CSMD1: variants seen among roughly 807,000 people sequenced by gnomAD.
The protein encoded by CSMD1 is CUB and Sushi multiple domains 1.
In CSMD1, 213 loss-of-function variants were observed where a neutral mutation model predicts 417.5. The ratio of observed to expected loss-of-function variants is 0.51; its 90% CI spans 0.46 to 0.57. CSMD1 has a LOEUF of 0.57. Among genes scored for constraint, CSMD1 ranks in the 20% least tolerant of loss-of-function variants. The pLI, the probability that CSMD1 is intolerant of heterozygous loss-of-function variation, is 0.00. For missense variants in CSMD1, 6,923 were observed against 4,529.7 expected (o/e 1.53, Z -15.17); for synonymous variants, 2,862 against 1,736.8 (o/e 1.65, Z -16.11).
intron 6 of CSMD1, among the ~76,000 whole-genome samples, chr8:3,749,614 T>G (rs899800539): frequency 6.6e-6 from 1 of 152,214 alleles, no homozygotes; most frequent in Non-Finnish European, 1.5e-5. Flanking sequence ...ATATTATTTG[T>G]CTTTGAGAAG....
intron 1 of CSMD1, among the ~76,000 whole-genome samples, chr8:4,934,245 GA>G (rs548987499): frequency 2.7e-3 from 410 of 152,140 alleles, no homozygotes; most frequent in African/African-American, 9.1e-3. Flanking sequence ...CCCCAAGGCA[GA>G]AAAAAATAAA....
chr8:4,578,787 C>G (rs1245161579), intron 2 of CSMD1, among the ~76,000 whole-genome samples: 1 of 139,234 alleles, frequency 7.2e-6, no homozygotes, highest in Non-Finnish European at 1.5e-5. Flanking sequence ...GCACTCTAGC[C>G]TGGGTGACAG....
intron 2 of CSMD1, among the ~76,000 whole-genome samples, chr8:4,430,697 G>A (rs1404543280): frequency 6.6e-6 from 1 of 151,908 alleles, no homozygotes; most frequent in Non-Finnish European, 1.5e-5. Context: ...TAGACTATCG[G>A]AAACAAAAAA....
rs541286373 is a variant in CSMD1 at position 3,507,664 on chromosome 8, C to G, written c.1345-13938G>C. ...TATCTCTCCACATCCTTTTCAGCAC[C>G]TGTTGTTTCCTGACTTTTTAATGAT... On this transcript the variant is annotated intron_variant, in intron 10 of 69. Transcript: ENST00000635120. Among the ~76,000 whole-genome samples, 82 of 152,284 alleles carry G rather than the reference C, an allele frequency of 5.4e-4. 1 individual carries two copies. Among genetic ancestry groups the G allele is most frequent in the African/African-American group, 5.3e-4 (22 of 41,552 alleles).
chr8:4,590,590 C>T (rs1382907661), intron 2 of CSMD1, among the ~76,000 whole-genome samples: 1 of 151,990 alleles, frequency 6.6e-6, no homozygotes, highest in African/African-American at 2.4e-5. Context: ...TAGAAATATA[C>T]TATTTAAAAT....
intron 5 of CSMD1, among the ~76,000 whole-genome samples, chr8:3,837,281 G>C (rs1371495941): frequency 6.6e-6 from 1 of 152,086 alleles, no homozygotes; most frequent in African/African-American, 2.4e-5. Flanking sequence ...TTAGATAGAT[G>C]AATCTCTTCA....
chr8:4,053,688 C>G (rs1025758936), intron 3 of CSMD1, among the ~76,000 whole-genome samples: 4 of 152,064 alleles, frequency 2.6e-5, no homozygotes, highest in African/African-American at 9.7e-5. Context: ...AGGTTAAAAT[C>G]AAACAGCTCA....
At chr8:3,982,879 G>C (rs1046269632) in intron 5 of CSMD1, among the ~76,000 whole-genome samples, 3 of 152,212 alleles carry the variant, frequency 2.0e-5, no homozygotes, top group Non-Finnish European at 4.4e-5. Flanking sequence ...TAAACCATTA[G>C]CGTTTCCTAC....
At position 4,088,652 on chromosome 8, in the gene CSMD1, T is replaced by TG. The variant is rs1800549532; in HGVS notation, c.416-56554dup. Among the ~76,000 whole-genome samples, 2 of 152,150 alleles carry TG rather than the reference T, an allele frequency of 1.3e-5. 1 individual carries two copies. Among genetic ancestry groups the TG allele is most frequent in the South Asian group, 4.1e-4 (2 of 4,828 alleles). The stretch of plus-strand genomic sequence containing the variant: ...GGTTGAGAGTAAAGCCCAAAGTCAT[T>TG]GTCTTCATGTTTTCACCTTCAGCTC... On this transcript the variant is annotated intron_variant, in intron 3 of 69. Transcript: ENST00000635120.
At chr8:4,959,812 T>C (rs1264841884) in intron 1 of CSMD1, among the ~76,000 whole-genome samples, 1 of 152,194 alleles carries the variant, frequency 6.6e-6, no homozygotes, top group Non-Finnish European at 1.5e-5. Context: ...TTCCCAGATA[T>C]CCACATAGCT....
intron 41 of CSMD1, among the ~76,000 whole-genome samples, chr8:3,122,972 C>T (rs982090822): frequency 4.6e-5 from 7 of 152,172 alleles, no homozygotes; most frequent in African/African-American, 1.7e-4. Flanking sequence ...GGAAAAACTT[C>T]TCCAGGTGTT....
chr8:4,623,101 C>A (rs900541209), intron 2 of CSMD1, among the ~76,000 whole-genome samples: 9 of 151,992 alleles, frequency 5.9e-5, no homozygotes, highest in Admixed American at 5.2e-4. Context: ...ATATTTCAGT[C>A]AAAGAACTCG....
In CSMD1 at chr8:3,493,676, G is replaced by A. The variant is rs1382520563; in HGVS notation, c.1395C>T (p.Thr465=). Residue 465 remains threonine (T), a synonymous_variant, in exon 11 of 70, where the codon ACC becomes ACT. Coordinates refer to ENST00000635120, the MANE Select transcript of CSMD1 (RefSeq NM_033225.6). ...CCTTCCCAGCATCACCAACCGTCAG[G>A]GTGTCATAGCCTCGCTCCAGCTCAA... ...EEFELERGYD[T]LTVGDAGKVG... is the part of the protein sequence containing the mutation. 4 of 1,612,224 alleles carry A rather than the reference G, an allele frequency of 2.5e-6. No homozygotes were observed. The highest frequency in any genetic ancestry group is 2.2e-5 in the South Asian group (2 of 90,392).
At chr8:4,415,616 C>CA (rs1165464058) in intron 3 of CSMD1, among the ~76,000 whole-genome samples, 2 of 152,156 alleles carry the variant, frequency 1.3e-5, no homozygotes, top group African/African-American at 4.8e-5. Flanking sequence ...TAGTCACTGA[C>CA]AATAAGCAGT....
At chr8:4,005,214 C>T (rs980284248) in intron 4 of CSMD1, among the ~76,000 whole-genome samples, 16 of 152,038 alleles carry the variant, frequency 1.1e-4, no homozygotes, top group Admixed American at 8.5e-4. Context: ...GTGGGTGCAC[C>T]ATCTCAGAAA....
intron 41 of CSMD1, among the ~76,000 whole-genome samples, chr8:3,135,213 G>A (rs1042481590): frequency 3.3e-5 from 5 of 152,106 alleles, no homozygotes; most frequent in Admixed American, 6.5e-5. Flanking sequence ...GTAAAACAGG[G>A]GCAATTAGCT....
At chr8:4,143,946 G>A (rs762987913) in intron 3 of CSMD1, among the ~76,000 whole-genome samples, 1 of 151,276 alleles carries the variant, frequency 6.6e-6, no homozygotes, top group African/African-American at 2.5e-5. Context: ...TGAAGGGATG[G>A]CCAGTGCTTG....
chr8:2,997,917 A>ACCCTTG (rs1170425593), intron 54 of CSMD1, 94 bp downstream of exon 54: 4 of 1,233,796 alleles, frequency 3.2e-6, no homozygotes, highest in Non-Finnish European at 4.5e-6. Context: ...TTTATGCATT[A>ACCCTTG]CCCTTGATTC....
intron 3 of CSMD1, among the ~76,000 whole-genome samples, chr8:4,387,994 A>C (rs537349663): frequency 6.6e-6 from 1 of 152,310 alleles, no homozygotes; most frequent in Admixed American, 6.5e-5. Context: ...ATCATGTTAA[A>C]CACATAATTG....
Sources: gnomAD v4.1 joint callset for allele counts (sites outside exome capture counted in the v4.1 genomes callset) on GRCh38, gnomAD v4.1.1 for gene constraint, MANE v1.5 for transcripts, NCBI Gene and HGNC (gene_info 2026-07-23, HGNC 2026-07-21) for gene names.